MSI2: variants seen among roughly 807,000 people sequenced by gnomAD.
The protein encoded by MSI2 is RNA-binding protein Musashi homolog 2.
Under a neutral mutation model 45.6 loss-of-function variants are expected in MSI2, and 17 were observed. The ratio of observed to expected loss-of-function variants is 0.37; its 90% confidence interval spans 0.26 to 0.56. The LOEUF (loss-of-function observed/expected upper bound fraction) is 0.56, where lower values mean the gene tolerates loss of function less well. Among genes scored for constraint, MSI2 ranks in the 20% least tolerant of loss-of-function variants. The pLI, the probability that MSI2 is intolerant of heterozygous loss-of-function variation, is 0.77. For missense variants in MSI2, 293 were observed against 444.2 expected, an observed-to-expected ratio of 0.66 and a Z score of 3.06; for synonymous variants, 156 against 158.2, an observed-to-expected ratio of 0.99 and a Z score of 0.11.
intron 6 of MSI2, among the ~76,000 whole-genome samples, chr17:57,465,304 G>GA (rs534722729): frequency 4.8e-4 from 72 of 149,714 alleles, no homozygotes; most frequent in Non-Finnish European, 8.8e-4. Context: ...TCTACTTAAA[G>GA]AAAAAAAAAC....
chr17:57,475,626 T>C (rs752314227), intron 6 of MSI2, among the ~76,000 whole-genome samples: 1 of 152,188 alleles, frequency 6.6e-6, no homozygotes, highest in Non-Finnish European at 1.5e-5. Flanking sequence ...TTTGCTCTTC[T>C]AGTTTCAATT....
chr17:57,428,769 C>T (rs1057469861), intron 6 of MSI2, among the ~76,000 whole-genome samples: 11 of 152,076 alleles, frequency 7.2e-5, no homozygotes, highest in Non-Finnish European at 1.6e-4. Flanking sequence ...ATTGTGTGAG[C>T]ACAATTATGA....
At chr17:57,556,578 C>A (rs758892923) in intron 7 of MSI2, among the ~76,000 whole-genome samples, 2 of 152,252 alleles carry the variant, frequency 1.3e-5, no homozygotes, top group Non-Finnish European at 2.9e-5. Flanking sequence ...GGACTCAGAG[C>A]CCATGTGGGC....
intron 7 of MSI2, among the ~76,000 whole-genome samples, chr17:57,585,572 C>T (rs1300254744): frequency 6.6e-6 from 1 of 152,234 alleles, no homozygotes; most frequent in Non-Finnish European, 1.5e-5. Flanking sequence ...TCAGTGGGGA[C>T]ATTAAGTAGA....
chr17:57,695,370 A>G, the MSI2 span, among the ~76,000 whole-genome samples: 6 of 152,090 alleles, frequency 3.9e-5, no homozygotes, highest in Non-Finnish European at 8.8e-5. Context: ...CCTGGGGATT[A>G]TATTAGCTGA....
chr17:57,605,469 G>A (rs1427778542), intron 8 of MSI2, among the ~76,000 whole-genome samples: 3 of 152,212 alleles, frequency 2.0e-5, no homozygotes, highest in Admixed American at 1.3e-4. Flanking sequence ...TCAGCACCCA[G>A]TGCCTCTGGG....
chr17:57,438,035 T>A (rs1377069876), intron 6 of MSI2, among the ~76,000 whole-genome samples: 1 of 152,128 alleles, frequency 6.6e-6, no homozygotes, highest in Non-Finnish European at 1.5e-5. Flanking sequence ...GAAGGGGACC[T>A]TATTTGGATT....
chr17:57,538,345 A>T (rs921501701), intron 7 of MSI2, among the ~76,000 whole-genome samples: 4 of 151,962 alleles, frequency 2.6e-5, no homozygotes, highest in African/African-American at 7.2e-5. Flanking sequence ...CTCTGTTTTC[A>T]GTTTGTGGAT....
chr17:57,683,099 C>T lies in MSI2; in HGVS notation c.*3582C>T, dbSNP rs1913714559. On this transcript the variant is annotated 3_prime_UTR_variant, in exon 14 of 14. Coordinates refer to ENST00000284073, the MANE Select transcript of MSI2 (RefSeq NM_138962.4). This position sits in a 1 kb window ranked among gnomAD's most constrained non-coding sequence, Gnocchi z 5.2. ...CCCCAGCAGGCCTTTGCGTTTTTAT[C>T]CTTCATAACCTTCATCTTAATTTGA... The T allele has an allele frequency of 8.7e-6, 2 of 229,610 alleles. No individual in the cohort carries two copies. Among genetic ancestry groups the T allele is most frequent in the Admixed American group, 1.1e-4 (2 of 17,678 alleles). The allele number at this position is 229,610 out of a possible 1,614,324, so 14.2% of individuals were successfully genotyped here. A position where few individuals can be genotyped will look rare whatever the true frequency, so the allele number is the denominator to read the frequency against.
At chr17:57,585,671 C>G (rs1486856295) in intron 7 of MSI2, among the ~76,000 whole-genome samples, 1 of 152,244 alleles carries the variant, frequency 6.6e-6, no homozygotes, top group Non-Finnish European at 1.5e-5. Flanking sequence ...TTGAAACCCA[C>G]TCTTCAGTGG....
chr17:57,469,986 A>T (rs1411383771), intron 6 of MSI2, among the ~76,000 whole-genome samples: 1 of 152,052 alleles, frequency 6.6e-6, no homozygotes, highest in Non-Finnish European at 1.5e-5. Context: ...TTCCCAGAAT[A>T]TTCTTCCCAC....
intron 10 of MSI2, among the ~76,000 whole-genome samples, chr17:57,641,878 T>C (rs1468667567): frequency 2.6e-5 from 4 of 152,192 alleles, no homozygotes; most frequent in Non-Finnish European, 5.9e-5. Flanking sequence ...TAGCAAGGGC[T>C]GGCTTCAGAA....
chr17:57,339,464 G>A (rs1316106134), intron 5 of MSI2, among the ~76,000 whole-genome samples: 2 of 152,074 alleles, frequency 1.3e-5, no homozygotes, highest in Non-Finnish European at 1.5e-5. Context: ...TGAAGAACTG[G>A]CAGCGTTGGT....
intron 9 of MSI2, chr17:57,625,688 G>T (rs1362446877): frequency 6.6e-6 from 1 of 152,236 alleles, no homozygotes; most frequent in African/African-American, 2.4e-5. Flanking sequence ...CAAAGTAATT[G>T]TTTGCCAGTG....
chr17:57,272,891 G>T (rs1908501380), intron 5 of MSI2, among the ~76,000 whole-genome samples: 1 of 152,180 alleles, frequency 6.6e-6, no homozygotes, highest in South Asian at 2.1e-4. Context: ...GAAACACAGT[G>T]TGTATTTACT....
At position 57,684,416 on chromosome 17, in the gene MSI2, AT is replaced by A. The variant is rs1234035108; in HGVS notation, c.*4907del. On this transcript the variant is annotated 3_prime_UTR_variant, in exon 14 of 14. Coordinates refer to ENST00000284073, the MANE Select transcript of MSI2 (RefSeq NM_138962.4). ...ACTGATGAGAACTTTGGTAGTGAGT[AT>A]TTTTTTTATATATATACATATATAT... 4.1e-5 allele frequency: 7 copies of A among 169,176 alleles called. No individual in the cohort carries two copies. The highest frequency in any genetic ancestry group is 1.4e-4 in the Admixed American group (2 of 14,466). The allele number at this position is 169,176 out of a possible 1,614,324, so 10.5% of individuals were successfully genotyped here.
At chr17:57,274,553 GGTAA>G in intron 5 of MSI2, 1 of 152,186 alleles carries the variant, frequency 6.6e-6, no homozygotes, top group Admixed American at 6.5e-5. Flanking sequence ...GGCAGGTTTG[GGTAA>G]GTGCTCCGTG....
At chr17:57,440,033 T>C (rs2084768131) in intron 6 of MSI2, among the ~76,000 whole-genome samples, 1 of 152,192 alleles carries the variant, frequency 6.6e-6, no homozygotes, top group South Asian at 2.1e-4. Context: ...GTGATCTATC[T>C]CCACTGTTTG....
At chr17:57,516,016 C>A (rs1471576728) in intron 6 of MSI2, among the ~76,000 whole-genome samples, 1 of 152,118 alleles carries the variant, frequency 6.6e-6, no homozygotes, top group Non-Finnish European at 1.5e-5. Flanking sequence ...ACTCCCATAA[C>A]CACAGTACTT....
Sources: gnomAD v4.1 joint callset for allele counts (sites outside exome capture counted in the v4.1 genomes callset) on GRCh38, gnomAD v4.1.1 for gene constraint, Gnocchi (gnomAD v3.1) non-coding constraint, MANE v1.5 for transcripts, NCBI Gene and HGNC (gene_info 2026-07-23, HGNC 2026-07-21) for gene names.